Variants in SCGB2B2 observed in about 807,000 individuals in gnomAD.
The protein encoded by SCGB2B2 is secretoglobin-like protein.
SCGB2B2 carries 11 observed loss-of-function variants against 7.6 expected under a neutral mutation model. The observed-to-expected ratio is 1.45, with a 90% CI of 0.91 to 2.40. The LOEUF is 2.40. SCGB2B2 is among the 30% of genes most tolerant of loss of function. The pLI is 0.00. For synonymous variants in SCGB2B2, 50 were observed against 48.6 expected (o/e 1.03, Z -0.12); for missense variants, 104 against 115.4 (o/e 0.90, Z 0.45).
At chr19:34,668,674 A>G (rs113836167) in intron 1 of SCGB2B2, among the ~76,000 whole-genome samples, 2,539 of 152,224 alleles carry the variant, frequency 0.017, 42 homozygotes, top group South Asian at 0.084. Context: ...ACCAGTCAGC[A>G]CCCTGTGTCT....
At chr19:34,636,658 T>C (rs1016646940) in intron 1 of SCGB2B2, among the ~76,000 whole-genome samples, 1 of 152,222 alleles carries the variant, frequency 6.6e-6, no homozygotes, top group Non-Finnish European at 1.5e-5. Context: ...GAGTCGGCCC[T>C]GGCCAGATTC....
chr19:34,650,622 T>C (rs2067139259), intron 1 of SCGB2B2, among the ~76,000 whole-genome samples: 1 of 151,466 alleles, frequency 6.6e-6, no homozygotes, highest in Non-Finnish European at 1.5e-5. Flanking sequence ...AAATATCTCC[T>C]ATCACAGAAA....
downstream of SCGB2B2, among the ~76,000 whole-genome samples, chr19:34,586,615 T>TA (rs994759119): frequency 1.3e-5 from 2 of 152,238 alleles, no homozygotes; most frequent in African/African-American, 4.8e-5. Context: ...ATGTTAAATT[T>TA]AAAAAACTAC....
At chr19:34,599,847 CT>C (rs1488463380) in intron 1 of SCGB2B2, among the ~76,000 whole-genome samples, 9 of 152,116 alleles carry the variant, frequency 5.9e-5, no homozygotes, top group Admixed American at 3.9e-4. Flanking sequence ...CCCTCCTCCC[CT>C]GACCTCTAAT....
chr19:34,674,045 C>T (rs907213066), intron 1 of SCGB2B2, among the ~76,000 whole-genome samples: 2 of 152,206 alleles, frequency 1.3e-5, no homozygotes, highest in Non-Finnish European at 2.9e-5. Context: ...CACCTATGCC[C>T]TGAGTCACAT....
At chr19:34,667,704 G>GGTTTTTTTTTT (rs1240149613) in intron 1 of SCGB2B2, among the ~76,000 whole-genome samples, 1 of 151,988 alleles carries the variant, frequency 6.6e-6, no homozygotes, top group Non-Finnish European at 1.5e-5. Flanking sequence ...TTGTTTGTGC[G>GGTTTTTTTTTT]TTTTCCCCAA....
At position 34,661,829 on chromosome 19, in the gene SCGB2B2, A is replaced by AT. The variant is rs71165678; in HGVS notation, c.-2032+13800dup. Among the ~76,000 whole-genome samples the AT allele has an allele frequency of 4.8e-3, 704 of 147,800 alleles. 3 individuals are homozygous for AT. Among genetic ancestry groups the AT allele is most frequent in the African/African-American group, 9.8e-3 (396 of 40,494 alleles). ...TAAAAACATTATGAGTTTTTCTGTG[A>AT]TTTTTTTTTTTAGCTCATTAGCTAT... On this transcript the variant is annotated intron_variant, in intron 1 of 3. Transcript: ENST00000601241.
intron 1 of SCGB2B2, among the ~76,000 whole-genome samples, chr19:34,658,187 C>T (rs527275806): frequency 1.3e-3 from 204 of 152,042 alleles, no homozygotes; most frequent in African/African-American, 4.6e-3. Context: ...ATTAAAAGAA[C>T]GAGAGATTCA....
intron 1 of SCGB2B2, among the ~76,000 whole-genome samples, chr19:34,599,846 CCT>C (rs1267349598): frequency 2.6e-5 from 4 of 152,116 alleles, no homozygotes; most frequent in African/African-American, 7.2e-5. Flanking sequence ...TCCCTCCTCC[CCT>C]GACCTCTAAT....
At position 34,643,445 on chromosome 19, in the gene SCGB2B2, G is replaced by A. The variant is rs528704899; in HGVS notation, c.-2032+32185C>T. ...GTGTGGGTGGGGGGAGATGAAGAGAGGGAGGTTAACGCATGAAAGCCTACA... is the reference window on the plus strand; with the variant it reads ...GTGTGGGTGGGGGGAGATGAAGAGAAGGAGGTTAACGCATGAAAGCCTACA... On this transcript the variant is annotated intron_variant, in intron 1 of 3. Transcript: ENST00000601241. 3.3e-5 allele frequency among the ~76,000 whole-genome samples: 5 copies of A among 152,238 alleles called. No homozygotes were observed. The South Asian group carries it at 1.0e-3, about 32-fold the overall frequency.
intron 3 of SCGB2B2, 136 bp from the exon 4 acceptor site, chr19:34,593,735 A>G (rs763119866): frequency 1.5e-6 from 1 of 684,114 alleles, no homozygotes; most frequent in Non-Finnish European, 2.5e-6. Flanking sequence ...GGCTCTGGAC[A>G]AAGATGGTGG....
At chr19:34,620,183 T>C (rs2066200501) in intron 1 of SCGB2B2, among the ~76,000 whole-genome samples, 2 of 152,070 alleles carry the variant, frequency 1.3e-5, no homozygotes, top group Admixed American at 6.5e-5. Context: ...CCCAGGTATA[T>C]ACCCAAAGAA....
In SCGB2B2 at chr19:34,594,447, G is replaced by A. The variant is rs574674739; in HGVS notation, c.61+56C>T. The A allele has an allele frequency of 2.7e-5, 43 of 1,601,196 alleles. No homozygotes were observed. In the South Asian group the frequency reaches 4.2e-4, roughly 16 times the overall value. On this transcript the variant is annotated intron_variant, in intron 2 of 3. Transcript: ENST00000601241. The stretch of plus-strand genomic sequence containing the variant: ...GCCAATGAGACCTTGGGATGGTGAT[G>A]AGAGTGAAGGAGCAGGGCCACCGCT...
At chr19:34,611,196 C>CTT (rs1312555012) in intron 1 of SCGB2B2, among the ~76,000 whole-genome samples, 1 of 136,920 alleles carries the variant, frequency 7.3e-6, no homozygotes, top group Non-Finnish European at 1.7e-5. Flanking sequence ...GTTTTATTTA[C>CTT]TTGTGCCTTT....
At chr19:34,638,659 T>C (rs1372423020) in intron 1 of SCGB2B2, among the ~76,000 whole-genome samples, 2 of 152,220 alleles carry the variant, frequency 1.3e-5, no homozygotes, top group African/African-American at 4.8e-5. Flanking sequence ...CTGGAAAGTT[T>C]ATGCCCCTAA....
chr19:34,648,542 A>G (rs1160693572), intron 1 of SCGB2B2, among the ~76,000 whole-genome samples: 1 of 152,182 alleles, frequency 6.6e-6, no homozygotes, highest in Non-Finnish European at 1.5e-5. Flanking sequence ...CATGAAATTG[A>G]ATAATTTCTT....
intron 1 of SCGB2B2, among the ~76,000 whole-genome samples, chr19:34,648,063 T>C (rs1308014778): frequency 6.6e-6 from 1 of 152,154 alleles, no homozygotes; most frequent in East Asian, 1.9e-4. Context: ...ATGCCACTCC[T>C]GAGAGGTGAA....
At chr19:34,630,544 C>A (rs2066500876) in intron 1 of SCGB2B2, among the ~76,000 whole-genome samples, 1 of 151,866 alleles carries the variant, frequency 6.6e-6, no homozygotes, top group Admixed American at 6.6e-5. Flanking sequence ...CAGAGAAATG[C>A]AAATCAAAAC....
chr19:34,633,175 T>C (rs1338570767), intron 1 of SCGB2B2, among the ~76,000 whole-genome samples: 1 of 152,186 alleles, frequency 6.6e-6, no homozygotes, highest in Non-Finnish European at 1.5e-5. Context: ...TTCCTTCTCT[T>C]GGAAAATGTG....
Sources: gnomAD v4.1 joint callset for allele counts (sites outside exome capture counted in the v4.1 genomes callset) on GRCh38, gnomAD v4.1.1 for gene constraint, MANE v1.5 for transcripts, NCBI Gene and HGNC (gene_info 2026-07-23, HGNC 2026-07-21) for gene names.